Variants in CCDC88A observed in about 807,000 individuals in gnomAD.
The protein encoded by CCDC88A is girdin.
Under a neutral mutation model 234.3 loss-of-function variants are expected in CCDC88A, and 54 were observed. The observed-to-expected ratio is 0.23, with a 90% CI of 0.19 to 0.29. The LOEUF (loss-of-function observed/expected upper bound fraction) is 0.29, where lower values mean the gene tolerates loss of function less well. Among genes scored for constraint, CCDC88A ranks in the 10% least tolerant of loss-of-function variants. The pLI, the probability that CCDC88A is intolerant of heterozygous loss-of-function variation, is 1.00. For missense variants in CCDC88A, 1,832 were observed against 2,123.4 expected, an observed-to-expected ratio of 0.86 and a Z score of 2.70; for synonymous variants, 753 against 737.8, an observed-to-expected ratio of 1.02 and a Z score of -0.33.
chr2:55,375,946 T>C (rs968236655), intron 3 of CCDC88A, among the ~76,000 whole-genome samples: 2 of 152,216 alleles, frequency 1.3e-5, no homozygotes, highest in African/African-American at 4.8e-5. Flanking sequence ...TGAAAGTCAG[T>C]TCCTCCTCAG....
chr2:55,400,452 T>C (rs1022759007), intron 2 of CCDC88A, among the ~76,000 whole-genome samples: 3 of 152,200 alleles, frequency 2.0e-5, no homozygotes, highest in Non-Finnish European at 4.4e-5. Context: ...AGGAGTTAAA[T>C]GCAACATGGC....
At chr2:55,294,601 C>T (rs2104545953) in intron 31 of CCDC88A, 3 of 983,878 alleles carry the variant, frequency 3.0e-6, no homozygotes, top group Non-Finnish European at 3.6e-6. Flanking sequence ...ATAAAGTACA[C>T]ATTCTGGAAG....
rs984606272 is a variant in CCDC88A at position 55,388,655 on chromosome 2, C to G, written c.273+123G>C. ...AACTATCTTATTTACTACTCTAACT[C>G]TAGCAAATAGATCAGAACCTAGCAT... is the stretch of plus-strand genomic sequence containing the variant. On this transcript the variant is annotated intron_variant, in intron 3 of 32. Coordinates refer to ENST00000436346, the MANE Select transcript of CCDC88A (RefSeq NM_001365480.1). The G allele has an allele frequency of 5.9e-6, 3 of 510,198 alleles. No individual in the cohort carries two copies. In the African/African-American group the frequency reaches 6.1e-5, roughly 10 times the overall value. The allele number at this position is 510,198 out of a possible 1,614,324, so 31.6% of individuals were successfully genotyped here. A position where few individuals can be genotyped will look rare whatever the true frequency, so the allele number is the denominator to read the frequency against.
rs763587015 is a variant in CCDC88A at position 55,343,740 on chromosome 2, G to C, written c.1241C>G (p.Thr414Ser). 2 of 1,610,566 alleles carry C rather than the reference G, an allele frequency of 1.2e-6. No individual in the cohort carries two copies. Among genetic ancestry groups the C allele is most frequent in the Non-Finnish European group, 1.7e-6 (2 of 1,177,812 alleles). ...ACTTTGTTTCTGTGCCATTTCCAAA[G>C]TCATATTTTCTTCCATTAATTCTTC... ...KIEELMEENM[T>S]LEMAQKQSMD... Residue 414 changes from threonine to serine, a missense_variant, in exon 12 of 33, where the codon ACT (threonine) becomes AGT (serine). Thr to Ser is a moderately conservative substitution (Grantham distance 58, BLOSUM62 1). Coordinates refer to ENST00000436346, the MANE Select transcript of CCDC88A (RefSeq NM_001365480.1).
chr2:55,366,066 G>C (rs1480510160), intron 5 of CCDC88A, among the ~76,000 whole-genome samples: 1 of 152,204 alleles, frequency 6.6e-6, no homozygotes, highest in Admixed American at 6.5e-5. Flanking sequence ...AATACCAGCT[G>C]TGAAGACTAA....
intron 2 of CCDC88A, 114 bp downstream of exon 2, chr2:55,418,702 C>A (rs1299623671): frequency 1.3e-6 from 1 of 750,820 alleles, no homozygotes; most frequent in African/African-American, 1.8e-5. Context: ...TCTTAAACCA[C>A]CTGAATATTT....
intron 25 of CCDC88A, among the ~76,000 whole-genome samples, chr2:55,303,861 TCTATTTTAA>T (rs1190370336): frequency 6.6e-6 from 1 of 152,350 alleles, no homozygotes; most frequent in Non-Finnish European, 1.5e-5. Flanking sequence ...TTTTGAAGTC[TCTATTTTAA>T]CTATTTTAAC....
At chr2:55,366,804 T>C (rs1285648329) in intron 5 of CCDC88A, among the ~76,000 whole-genome samples, 1 of 152,110 alleles carries the variant, frequency 6.6e-6, no homozygotes, top group African/African-American at 2.4e-5. Flanking sequence ...ATAGAGGAAA[T>C]GGCACCCAAA....
rs1668198814 is a variant in CCDC88A, at chr2:55,339,424, G to T, written c.1518+40C>A. The stretch of plus-strand genomic sequence containing the variant: ...GGGCTATTTATTTACACTTTTACAA[G>T]TTTTTTTAACATTAAAATAAACACT... On this transcript the variant is annotated intron_variant, in intron 13 of 32. Coordinates refer to ENST00000436346, the MANE Select transcript of CCDC88A (RefSeq NM_001365480.1). 5 of 1,379,086 alleles carry T rather than the reference G, an allele frequency of 3.6e-6. No homozygotes were observed. In the African/African-American group the frequency reaches 6.0e-5, roughly 16 times the overall value. 85.4% of individuals were successfully genotyped at this position (1,379,086 alleles called of 1,614,324 possible).
chr2:55,302,865 G>T, intron 26 of CCDC88A: 3 of 385,986 alleles, frequency 7.8e-6, no homozygotes, highest in Non-Finnish European at 1.4e-5. Flanking sequence ...CTAGAAATAT[G>T]CACGTATATG....
intron 29 of CCDC88A, among the ~76,000 whole-genome samples, chr2:55,297,495 C>T (rs1381623242): frequency 6.9e-6 from 1 of 144,406 alleles, no homozygotes; most frequent in East Asian, 2.0e-4. Context: ...ACTACAACCC[C>T]CGCCTCCTGG....
rs1558826031 is a variant in CCDC88A at position 55,401,446 on chromosome 2, A to AT, written c.165-12561_165-12560insA. The stretch of plus-strand genomic sequence containing the variant: ...AAGACTCTGTCTCCAAAAAAAAAAA[A>AT]AATATATATATATATATATACATAT... On this transcript the variant is annotated intron_variant, in intron 2 of 32. Coordinates refer to ENST00000436346, the MANE Select transcript of CCDC88A (RefSeq NM_001365480.1). Among the ~76,000 whole-genome samples the AT allele has an allele frequency of 4.4e-4, 11 of 25,160 alleles. 1 individual carries two copies. Among genetic ancestry groups the AT allele is most frequent in the African/African-American group, 1.5e-3 (11 of 7,470 alleles). 16.5% of individuals were successfully genotyped at this position (25,160 alleles called of 152,430 possible).
At position 55,401,470 on chromosome 2, in the gene CCDC88A, A is replaced by ATATATATGTGTG. The variant is rs367863063; in HGVS notation, c.165-12585_165-12584insCACACATATATA. Among the ~76,000 whole-genome samples the ATATATATGTGTG allele has an allele frequency of 4.4e-4, 14 of 31,516 alleles. 1 individual carries two copies. The highest frequency in any genetic ancestry group is 1.2e-3 in the South Asian group (1 of 846). The allele number at this position is 31,516 out of a possible 152,430, so 20.7% of individuals were successfully genotyped here. A position where few individuals can be genotyped will look rare whatever the true frequency, so the allele number is the denominator to read the frequency against. ...AAAATATATATATATATATATACAT[A>ATATATATGTGTG]TGTGTGTGTATGTATGTGTGTGTGT... On this transcript the variant is annotated intron_variant, in intron 2 of 32. Coordinates refer to ENST00000436346, the MANE Select transcript of CCDC88A (RefSeq NM_001365480.1).
intron 3 of CCDC88A, among the ~76,000 whole-genome samples, chr2:55,383,894 G>T (rs1217420858): frequency 1.3e-5 from 2 of 152,102 alleles, no homozygotes; most frequent in African/African-American, 4.8e-5. Context: ...TCTATTAACT[G>T]TATATATAAA....
intron 6 of CCDC88A, 31 bp from the exon 7 acceptor site, chr2:55,362,479 A>C: frequency 6.3e-7 from 1 of 1,582,474 alleles, no homozygotes; most frequent in Non-Finnish European, 8.6e-7. Context: ...TAAACAACCA[A>C]AAAAGTGGCT....
At position 55,328,230 on chromosome 2, in the gene CCDC88A, T is replaced by C. The variant is rs1684498359; in HGVS notation, c.2997+64A>G. The C allele has an allele frequency of 2.5e-6, 3 of 1,189,316 alleles. No individual in the cohort carries two copies. The highest frequency in any genetic ancestry group is 5.3e-5 in the East Asian group (2 of 37,800). The allele number at this position is 1,189,316 out of a possible 1,614,324, so 73.7% of individuals were successfully genotyped here. On this transcript the variant is annotated intron_variant, in intron 17 of 32. Coordinates refer to ENST00000436346, the MANE Select transcript of CCDC88A (RefSeq NM_001365480.1). This position sits in a 1 kb window ranked among gnomAD's most constrained non-coding sequence, Gnocchi z 4.3. ...TTATATTTTTATTTTCTACTTTATA[T>C]TTTTCTGTCCAAATATTTATATAAT...
chr2:55,415,225 G>A (rs1199923837), intron 2 of CCDC88A, among the ~76,000 whole-genome samples: 1 of 152,058 alleles, frequency 6.6e-6, no homozygotes, highest in Admixed American at 6.6e-5. Flanking sequence ...TAGGGTGGGA[G>A]GATGGCCTGA....
chr2:55,361,623 A>G (rs1321247480), intron 7 of CCDC88A, among the ~76,000 whole-genome samples: 1 of 152,186 alleles, frequency 6.6e-6, no homozygotes, highest in Non-Finnish European at 1.5e-5. Flanking sequence ...ATGTAAACGA[A>G]ACTGATAAAA....
chr2:55,384,124 A>G (rs897719971), intron 3 of CCDC88A, among the ~76,000 whole-genome samples: 4 of 152,284 alleles, frequency 2.6e-5, no homozygotes, highest in African/African-American at 9.6e-5. Flanking sequence ...GCTTGAGCCC[A>G]GAAGGTCTTA....
Sources: allele counts gnomAD v4.1 joint callset (sites outside exome capture counted in the v4.1 genomes callset), GRCh38; gene constraint gnomAD v4.1.1; non-coding constraint Gnocchi (gnomAD v3.1); transcripts MANE v1.5; gene names NCBI Gene and HGNC (gene_info 2026-07-23, HGNC 2026-07-21).